Variants in PIK3CG observed in about 807,000 individuals in gnomAD.
The protein encoded by PIK3CG is phosphatidylinositol 4,5-bisphosphate 3-kinase catalytic subunit gamma isoform.
A neutral mutation model predicts 102.3 loss-of-function variants in PIK3CG; 55 were observed. The ratio of observed to expected loss-of-function variants is 0.54; its 90% confidence interval spans 0.43 to 0.67. The LOEUF (loss-of-function observed/expected upper bound fraction) is 0.67. PIK3CG is among the 30% of genes least tolerant of loss of function. PIK3CG has a pLI of 0.00. For synonymous variants in PIK3CG, 552 were observed against 540.0 expected (o/e 1.02, Z -0.31); for missense variants, 1,258 against 1,391.8 (o/e 0.90, Z 1.53).
chr7:106,865,791 G>C (rs998970673), intron 1 of PIK3CG: 3 of 152,218 alleles, frequency 2.0e-5, no homozygotes, highest in Non-Finnish European at 4.4e-5. Context: ...GTATTAGTCA[G>C]CCTGTTTTCC....
chr7:106,898,436 G>C (rs1791462945), intron 10 of PIK3CG, among the ~76,000 whole-genome samples: 1 of 152,084 alleles, frequency 6.6e-6, no homozygotes, highest in Non-Finnish European at 1.5e-5. Context: ...TGGTGTCTTT[G>C]TCATGAAATC....
At position 106,902,288 on chromosome 7, in the gene PIK3CG, G is replaced by A. The variant is rs1381091421; in HGVS notation, c.3031-2821G>A. Among the ~76,000 whole-genome samples, 1 of 152,126 alleles carries A rather than the reference G, an allele frequency of 6.6e-6. No homozygotes were observed. The highest frequency in any genetic ancestry group is 1.9e-4 in the East Asian group (1 of 5,178). On this transcript the variant is annotated intron_variant, in intron 10 of 10. Transcript: ENST00000496166. The surrounding 1 kb of genome is among the most constrained non-coding windows in gnomAD (Gnocchi z 4.3). The stretch of plus-strand genomic sequence containing the variant: ...CGGGGGGTGTGTGGGATGCACGGGA[G>A]ACACACTGGCCTCCTCTCCTTGGGT...
intron 10 of PIK3CG, among the ~76,000 whole-genome samples, chr7:106,904,542 C>T (rs183682414): frequency 1.1e-3 from 160 of 152,310 alleles, no homozygotes; most frequent in Admixed American, 4.6e-3. Context: ...TTAAAGCCCT[C>T]TCTCTCACTC....
rs1261111783 is a variant in PIK3CG, at chr7:106,892,898, C to T, written c.3030+6606C>T. Among the ~76,000 whole-genome samples, 1 of 152,102 alleles carries T rather than the reference C, an allele frequency of 6.6e-6. No individual in the cohort carries two copies. Among genetic ancestry groups the T allele is most frequent in the African/African-American group, 2.4e-5 (1 of 41,430 alleles). On this transcript the variant is annotated intron_variant, in intron 10 of 10. Transcript: ENST00000496166. The surrounding 1 kb of genome is among the most constrained non-coding windows in gnomAD (Gnocchi z 5.2). ...GCAAGTGCATGAAGTTAGAAAAGTA[C>T]ATACAATCAGTATTTAGGAACAAGA...
chr7:106,896,670 C>T (rs1230437038), intron 10 of PIK3CG, among the ~76,000 whole-genome samples: 2 of 152,088 alleles, frequency 1.3e-5, no homozygotes, highest in Admixed American at 6.6e-5. Flanking sequence ...AGCAACAGCC[C>T]ACACAAGTCT....
Position 106,895,532 on chromosome 7 carries a change from C to T in PIK3CG, c.3030+9240C>T, listed in dbSNP as rs1392545010. ...GCCAGTGTTGCTGTATGCTTCCATC[C>T]TGCCCACCTCAGTGGGCCAGCACCA... On this transcript the variant is annotated intron_variant, in intron 10 of 10. Coordinates refer to ENST00000496166, the MANE Select transcript of PIK3CG (RefSeq NM_001282426.2). The surrounding 1 kb of genome is among the most constrained non-coding windows in gnomAD (Gnocchi z 5.4). Among the ~76,000 whole-genome samples, 1 of 152,196 alleles carries T rather than the reference C, an allele frequency of 6.6e-6. No individual in the cohort carries two copies. The highest frequency in any genetic ancestry group is 1.5e-5 in the Non-Finnish European group (1 of 68,042).
rs576220438 is a variant in PIK3CG, at chr7:106,902,284, G to A, written c.3031-2825G>A. ...AATGCGGGGGGTGTGTGGGATGCAC[G>A]GGAGACACACTGGCCTCCTCTCCTT... On this transcript the variant is annotated intron_variant, in intron 10 of 10. Coordinates refer to ENST00000496166, the MANE Select transcript of PIK3CG (RefSeq NM_001282426.2). The surrounding 1 kb of genome is among the most constrained non-coding windows in gnomAD (Gnocchi z 4.3). 2.0e-5 allele frequency among the ~76,000 whole-genome samples: 3 copies of A among 152,102 alleles called. No homozygotes were observed. The highest frequency in any genetic ancestry group is 6.5e-5 in the Admixed American group (1 of 15,278).
In PIK3CG at chr7:106,906,856, G is replaced by A. The variant is rs1299694952; in HGVS notation, c.*1469G>A. The A allele has an allele frequency of 1.9e-5, 4 of 207,706 alleles. No individual in the cohort carries two copies. In the Admixed American group the frequency reaches 2.7e-4, roughly 14 times the overall value. The allele number at this position is 207,706 out of a possible 1,614,324, so 12.9% of individuals were successfully genotyped here. A position where few individuals can be genotyped will look rare whatever the true frequency, so the allele number is the denominator to read the frequency against. ...CTTTTTTTTTTTTTTTTTAATGTGT[G>A]CAAAAGCCCAAAGGTTCCTAAGCCT... On this transcript the variant is annotated 3_prime_UTR_variant, in exon 11 of 11. Coordinates refer to ENST00000496166, the MANE Select transcript of PIK3CG (RefSeq NM_001282426.2).
intron 4 of PIK3CG, among the ~76,000 whole-genome samples, chr7:106,873,803 C>G (rs1790626121): frequency 6.6e-6 from 1 of 151,980 alleles, no homozygotes; most frequent in African/African-American, 2.4e-5. Context: ...ATATCTTATT[C>G]CTACCCTAAG....
In PIK3CG at chr7:106,905,143, A is replaced by T. The variant is rs1791655909; in HGVS notation, c.3065A>T (p.His1022Leu). The T allele has an allele frequency of 1.2e-6, 2 of 1,614,078 alleles. No homozygotes were observed. Among genetic ancestry groups the T allele is most frequent in the Non-Finnish European group, 1.7e-6 (2 of 1,179,960 alleles). Residue 1022 changes from histidine (H) to leucine (L), a missense_variant, in exon 11 of 11, where the codon CAT becomes CTT. By Grantham distance (99) the His-to-Leu change is moderately conservative (BLOSUM62 -3). Around this residue, in one of 2 missense-constraint regions of PIK3CG, gnomAD observed 426 missense variants for 604.2 expected, o/e 0.71. Coordinates refer to ENST00000496166, the MANE Select transcript of PIK3CG (RefSeq NM_001282426.2). The surrounding 1 kb of genome is among the most constrained non-coding windows in gnomAD (Gnocchi z 5.6). Reference sequence around the variant, plus strand: ...GTTAAGGCTTATCTAGCCCTTCGTCATCACACAAACCTACTGATCATCCTG... The same window carrying T: ...GTTAAGGCTTATCTAGCCCTTCGTCTTCACACAAACCTACTGATCATCCTG... ...ICVKAYLALRHHTNLLIILFS... is the reference protein window; with the variant it reads ...ICVKAYLALRLHTNLLIILFS...
chr7:106,869,892 G>A lies in PIK3CG; in HGVS notation c.1995+336G>A, dbSNP rs1002000793. Among the ~76,000 whole-genome samples the A allele has an allele frequency of 1.3e-5, 2 of 152,164 alleles. No individual in the cohort carries two copies. The highest frequency in any genetic ancestry group is 4.8e-5 in the African/African-American group (2 of 41,434). The stretch of plus-strand genomic sequence containing the variant: ...TGCCAAGGCTCCAAGTGACTGACAT[G>A]CTTTCAGTGTATTATCTCATTTAAC... On this transcript the variant is annotated intron_variant, in intron 2 of 10. Coordinates refer to ENST00000496166, the MANE Select transcript of PIK3CG (RefSeq NM_001282426.2). This position sits in a 1 kb window ranked among gnomAD's most constrained non-coding sequence, Gnocchi z 5.3.
rs1584314673 is a variant in PIK3CG at position 106,867,698 on chromosome 7, C to T, written c.137C>T (p.Thr46Ile). 6.2e-7 allele frequency: 1 copy of T among 1,613,280 alleles called. No individual in the cohort carries two copies. Among genetic ancestry groups the T allele is most frequent in the East Asian group, 2.2e-5 (1 of 44,878 alleles). The change falls in exon 2 of 11, where the codon ACC becomes ATC. Residue 46 changes from threonine to isoleucine, a missense_variant. Around this residue, in one of 2 missense-constraint regions of PIK3CG, gnomAD observed 832 missense variants for 787.5 expected, o/e 1.06. Transcript: ENST00000496166. The surrounding 1 kb of genome is among the most constrained non-coding windows in gnomAD (Gnocchi z 5.1). ...ELIPIEFVLP[T>I]SQRKCKSPET... is the part of the protein sequence containing the mutation. Reference sequence around the variant, plus strand: ...ATCCCCATCGAGTTCGTGCTGCCCACCAGCCAGCGCAAATGCAAGAGCCCC... The same window carrying T: ...ATCCCCATCGAGTTCGTGCTGCCCATCAGCCAGCGCAAATGCAAGAGCCCC...
intron 10 of PIK3CG, among the ~76,000 whole-genome samples, chr7:106,904,593 C>T (rs1295322449): frequency 6.6e-6 from 1 of 152,196 alleles, no homozygotes; most frequent in Middle Eastern, 3.2e-3. Flanking sequence ...GTTCATTTAA[C>T]AATTTTGATT....
chr7:106,882,927 A>C (rs1169840205), intron 7 of PIK3CG, 106 bp from the exon 8 acceptor site: 10 of 938,660 alleles, frequency 1.1e-5, no homozygotes, highest in Non-Finnish European at 1.4e-5. Context: ...CAAAAAAAAA[A>C]AAAAAAAAAA....
chr7:106,872,558 C>A lies in PIK3CG; in HGVS notation c.2017C>A (p.His673Asn), dbSNP rs1433218785. The A allele has an allele frequency of 6.2e-7, 1 of 1,613,570 alleles. No homozygotes were observed. The highest frequency in any genetic ancestry group is 1.3e-5 in the African/African-American group (1 of 74,926). Reference protein sequence around the residue: ...LVQAVKFEPYHDSALARFLLK... With the variant: ...LVQAVKFEPYNDSALARFLLK... ...TTAGGCTGTGAAATTTGAACCATAC[C>A]ATGATAGCGCCCTTGCCAGATTTCT... is the stretch of plus-strand genomic sequence containing the variant. Residue 673 changes from histidine (H) to asparagine (N), a missense_variant, in exon 3 of 11, where the codon CAT becomes AAT. Around this residue, in one of 2 missense-constraint regions of PIK3CG, gnomAD observed 426 missense variants for 604.2 expected, o/e 0.71. Transcript: ENST00000496166. This position sits in a 1 kb window ranked among gnomAD's most constrained non-coding sequence, Gnocchi z 5.3.
chr7:106,872,880 A>C lies in PIK3CG; in HGVS notation c.2229A>C (p.Gln743His). The C allele has an allele frequency of 6.2e-7, 1 of 1,614,212 alleles. No individual in the cohort carries two copies. Among genetic ancestry groups the C allele is most frequent in the Admixed American group, 1.7e-5 (1 of 60,024 alleles). ...TQQVQVIEML[Q>H]KVTLDIKSLS... ...AAGTCCAAGTAATCGAGATGTTACA[A>C]AAAGTCACCCTTGATATTAAATCGC... Residue 743 changes from glutamine to histidine, a missense_variant, in exon 4 of 11, where the codon CAA becomes CAC. Transcript: ENST00000496166. The surrounding 1 kb of genome is among the most constrained non-coding windows in gnomAD (Gnocchi z 5.3).
chr7:106,878,089 T>G (rs934502678), intron 5 of PIK3CG, among the ~76,000 whole-genome samples: 1 of 152,230 alleles, frequency 6.6e-6, no homozygotes, highest in Non-Finnish European at 1.5e-5. Flanking sequence ...ATAAATTCTT[T>G]CAGCTTTTGT....
intron 10 of PIK3CG, among the ~76,000 whole-genome samples, chr7:106,887,933 CTTTTTTTT>C (rs71156344): frequency 1.7e-5 from 1 of 60,602 alleles, no homozygotes; most frequent in African/African-American, 6.9e-5. Flanking sequence ...GACGACTCTC[CTTTTTTTT>C]TTTTTTTTTT....
chr7:106,869,155 C>T lies in PIK3CG; in HGVS notation c.1594C>T (p.His532Tyr), dbSNP rs2116459225. ...CTGCCACCCGATAGCCCTGCCTAAG[C>T]ATCAGCCCACCCCTGACCCGGAAGG... Reference protein sequence around the residue: ...NYCHPIALPKHQPTPDPEGDR... With the variant: ...NYCHPIALPKYQPTPDPEGDR... The change falls in exon 2 of 11, where the codon CAT becomes TAT. Residue 532 changes from histidine (H) to tyrosine (Y), a missense_variant. By Grantham distance (83) the His-to-Tyr change is moderately conservative. This residue lies in a region of PIK3CG where 832 missense variants were observed against 787.5 expected (regional missense o/e 1.06). Coordinates refer to ENST00000496166, the MANE Select transcript of PIK3CG (RefSeq NM_001282426.2). This position sits in a 1 kb window ranked among gnomAD's most constrained non-coding sequence, Gnocchi z 5.3. The T allele has an allele frequency of 6.2e-7, 1 of 1,614,224 alleles. No individual in the cohort carries two copies. The highest frequency in any genetic ancestry group is 8.5e-7 in the Non-Finnish European group (1 of 1,180,048).
Sources: allele counts gnomAD v4.1 joint callset (sites outside exome capture counted in the v4.1 genomes callset), GRCh38; gene constraint gnomAD v4.1.1; regional missense constraint gnomAD v4.1.1; non-coding constraint Gnocchi (gnomAD v3.1); transcripts MANE v1.5; gene names NCBI Gene and HGNC (gene_info 2026-07-23, HGNC 2026-07-21).